GRM4: variants seen among roughly 807,000 people sequenced by gnomAD.
GRM4 encodes the protein metabotropic glutamate receptor 4.
Under a neutral mutation model 81.7 loss-of-function variants are expected in GRM4, and 28 were observed. The ratio of observed to expected loss-of-function variants is 0.34; its 90% CI spans 0.25 to 0.47. The LOEUF (loss-of-function observed/expected upper bound fraction) is 0.47. Ranked by LOEUF, GRM4 falls within the 20% of genes least tolerant of loss-of-function variation. The pLI, the probability that GRM4 is intolerant of heterozygous loss-of-function variation, is 1.00. For synonymous variants in GRM4, 488 were observed against 528.8 expected, an observed-to-expected ratio of 0.92 and a Z score of 1.06; for missense variants, 948 against 1,290.0, an observed-to-expected ratio of 0.73 and a Z score of 4.06.
In GRM4 at chr6:34,090,242, G is replaced by C. The variant is rs1768129379; in HGVS notation, c.736+1641C>G. 6.6e-6 allele frequency among the ~76,000 whole-genome samples: 1 copy of C among 152,134 alleles called. No homozygotes were observed. The highest frequency in any genetic ancestry group is 1.5e-5 in the Non-Finnish European group (1 of 68,032). On this transcript the variant is annotated intron_variant, in intron 3 of 10. Transcript: ENST00000538487. The surrounding 1 kb of genome is among the most constrained non-coding windows in gnomAD (Gnocchi z 5.2). ...ACACAACTGAACACGGAGACTCAGG[G>C]CCCTTGATCCCTTCCCCCATCCTAT...
intron 8 of GRM4, among the ~76,000 whole-genome samples, chr6:34,038,556 G>C (rs1414869104): frequency 6.6e-6 from 1 of 152,222 alleles, no homozygotes; most frequent in Admixed American, 6.5e-5. Flanking sequence ...CCCTGGAGGA[G>C]GACAGTAGCC....
Position 34,063,953 on chromosome 6 carries a change from C to T in GRM4, c.737-1925G>A, listed in dbSNP as rs185152472. ...GCAGGAGAAGGGAGTTAATTGCTCTCAAACAGGGAGAAACTGTTAGGTTAA... is the reference window on the plus strand; with the variant it reads ...GCAGGAGAAGGGAGTTAATTGCTCTTAAACAGGGAGAAACTGTTAGGTTAA... On this transcript the variant is annotated intron_variant, in intron 3 of 10. Coordinates refer to ENST00000538487, the MANE Select transcript of GRM4 (RefSeq NM_000841.4). Among the ~76,000 whole-genome samples, 184 of 152,288 alleles carry T rather than the reference C, an allele frequency of 1.2e-3. 1 individual carries two copies. Among genetic ancestry groups the T allele is most frequent in the Middle Eastern group, 6.8e-3 (2 of 294 alleles).
chr6:34,028,044 GCAGGAGCT>G, intron 10 of GRM4, 68 bp downstream of exon 10: 1 of 1,465,328 alleles, frequency 6.8e-7, no homozygotes, highest in Non-Finnish European at 9.2e-7. Flanking sequence ...GTGGGGAGGG[GCAGGAGCT>G]CAGCCCACCT....
chr6:34,098,915 T>A (rs1422124626), intron 2 of GRM4, among the ~76,000 whole-genome samples: 1 of 151,730 alleles, frequency 6.6e-6, no homozygotes, highest in Non-Finnish European at 1.5e-5. Flanking sequence ...AGAGATGGGG[T>A]TGCCAGCTGC....
At chr6:34,067,021 CCT>C (rs1766501230) in intron 3 of GRM4, among the ~76,000 whole-genome samples, 3 of 152,084 alleles carry the variant, frequency 2.0e-5, no homozygotes. Flanking sequence ...TGGGGCTGCC[CCT>C]GTCCTCCCAG....
chr6:34,144,550 C>T (rs1446933989), intron 1 of GRM4, among the ~76,000 whole-genome samples: 1 of 152,228 alleles, frequency 6.6e-6, no homozygotes, highest in Non-Finnish European at 1.5e-5. Context: ...AGGCCACGGG[C>T]AAGCGGTTGC....
At chr6:34,154,590 T>TACACACACACACACACAC (rs57603011) in intron 1 of GRM4, among the ~76,000 whole-genome samples, 18 of 145,096 alleles carry the variant, frequency 1.2e-4, no homozygotes, top group East Asian at 4.1e-4. Context: ...TGGTCCTGAC[T>TACACACACACACACACAC]ACACACACAC....
chr6:34,024,758 C>G (rs996888455), intron 10 of GRM4: 7 of 455,766 alleles, frequency 1.5e-5, no homozygotes, highest in Admixed American at 9.4e-5. Context: ...ATCACTTAGC[C>G]GGATGGTGGT....
intron 1 of GRM4, chr6:34,155,068 T>C (rs1771121738): frequency 1.3e-6 from 2 of 1,497,382 alleles, no homozygotes; most frequent in South Asian, 2.5e-5. Context: ...ATTGAGAGGC[T>C]TGTTTTTCAC....
rs1491087346 is a variant in GRM4, at chr6:34,070,819, C to CACAT, written c.737-8792_737-8791insATGT. 7.2e-6 allele frequency among the ~76,000 whole-genome samples: 1 copy of CACAT among 138,162 alleles called. No individual in the cohort carries two copies. The highest frequency in any genetic ancestry group is 7.1e-5 in the Admixed American group (1 of 14,020). The allele number at this position is 138,162 out of a possible 152,430, so 90.6% of individuals were successfully genotyped here. A position where few individuals can be genotyped will look rare whatever the true frequency, so the allele number is the denominator to read the frequency against. On this transcript the variant is annotated intron_variant, in intron 3 of 10. Coordinates refer to ENST00000538487, the MANE Select transcript of GRM4 (RefSeq NM_000841.4). The surrounding 1 kb of genome is among the most constrained non-coding windows in gnomAD (Gnocchi z 4.6). ...ACACACACACACACACACACACACA[C>CACAT]GGCAATGCACACCCTTACAAAATCA... is the stretch of plus-strand genomic sequence containing the variant.
At position 34,121,115 on chromosome 6, in the gene GRM4, G is replaced by A. The variant is rs1449365319; in HGVS notation, c.519+11863C>T. ...CTCATTTTCAATAAAGTAAAAGGCG[G>A]CGTGGTGAGAGCTGCACACACTCCA... On this transcript the variant is annotated intron_variant, in intron 2 of 10. Coordinates refer to ENST00000538487, the MANE Select transcript of GRM4 (RefSeq NM_000841.4). The surrounding 1 kb of genome is among the most constrained non-coding windows in gnomAD (Gnocchi z 4.6). 6.6e-6 allele frequency among the ~76,000 whole-genome samples: 1 copy of A among 152,150 alleles called. No individual in the cohort carries two copies. Among genetic ancestry groups the A allele is most frequent in the Non-Finnish European group, 1.5e-5 (1 of 67,988 alleles).
At chr6:34,097,270 C>A (rs908630079) in intron 2 of GRM4, among the ~76,000 whole-genome samples, 4 of 152,068 alleles carry the variant, frequency 2.6e-5, no homozygotes, top group South Asian at 2.1e-4. Context: ...AAGACCCCAG[C>A]AGGGAGGGGT....
At chr6:34,081,723 C>T (rs1244321059) in intron 3 of GRM4, among the ~76,000 whole-genome samples, 1 of 152,080 alleles carries the variant, frequency 6.6e-6, no homozygotes, top group Non-Finnish European at 1.5e-5. Context: ...AGGTGGGAAG[C>T]GCTGGGTGGT....
rs201822809 is a variant in GRM4 at position 34,062,018 on chromosome 6, G to A, written c.747C>T (p.Cys249=). 2.5e-6 allele frequency: 4 copies of A among 1,610,812 alleles called. No homozygotes were observed. The African/African-American group carries it at 5.3e-5, about 21-fold the overall frequency. The change falls in exon 4 of 11, where the codon TGC becomes TGT. Residue 249 remains cysteine (C), a synonymous_variant. Coordinates refer to ENST00000538487, the MANE Select transcript of GRM4 (RefSeq NM_000841.4). ...IQKSREDGGV[C]IAQSVKIPRE... Reference sequence around the variant, plus strand: ...GTGGTATCTTCACCGACTGGGCGATGCACACGCCCCCTGCAGGAGGGGCAC... The same window carrying A: ...GTGGTATCTTCACCGACTGGGCGATACACACGCCCCCTGCAGGAGGGGCAC...
At chr6:34,049,009 C>G (rs2451328) in intron 6 of GRM4, among the ~76,000 whole-genome samples, 1 of 152,074 alleles carries the variant, frequency 6.6e-6, no homozygotes, top group South Asian at 2.1e-4. Flanking sequence ...GGTAGAAATA[C>G]GAGGTCATTT....
chr6:34,118,589 G>T (rs1769685612), intron 2 of GRM4, among the ~76,000 whole-genome samples: 1 of 152,214 alleles, frequency 6.6e-6, no homozygotes, highest in Admixed American at 6.5e-5. Context: ...GACTGTGAAA[G>T]CCTGTAAATT....
In GRM4 at chr6:34,078,909, G is replaced by C. The variant is rs940046451; in HGVS notation, c.736+12974C>G. 3.3e-5 allele frequency among the ~76,000 whole-genome samples: 5 copies of C among 152,224 alleles called. No homozygotes were observed. Among genetic ancestry groups the C allele is most frequent in the African/African-American group, 1.2e-4 (5 of 41,452 alleles). ...GGGCACAGATATAATGGGGCAGCAT[G>C]TAAGTGAGGGAGAGAGGAAAGGACG... On this transcript the variant is annotated intron_variant, in intron 3 of 10. Transcript: ENST00000538487. The surrounding 1 kb of genome is among the most constrained non-coding windows in gnomAD (Gnocchi z 4.8).
At chr6:34,023,371 A>C (rs889480132) in intron 10 of GRM4, among the ~76,000 whole-genome samples, 1 of 152,254 alleles carries the variant, frequency 6.6e-6, no homozygotes, top group African/African-American at 2.4e-5. Context: ...CGCACATGTA[A>C]GGAATATACA....
intron 6 of GRM4, among the ~76,000 whole-genome samples, chr6:34,044,531 CATAT>C (rs1298520471): frequency 7.0e-6 from 1 of 142,434 alleles, no homozygotes; most frequent in African/African-American, 2.8e-5. Flanking sequence ...CATACATACA[CATAT>C]ATACAGACAC....
Sources: allele counts gnomAD v4.1 joint callset (sites outside exome capture counted in the v4.1 genomes callset), GRCh38; gene constraint gnomAD v4.1.1; non-coding constraint Gnocchi (gnomAD v3.1); transcripts MANE v1.5; gene names NCBI Gene and HGNC (gene_info 2026-07-23, HGNC 2026-07-21).